The following BLK variants were observed in gnomAD, a reference collection of about 807,000 sequenced individuals.
BLK encodes the protein BLK proto-oncogene, Src family tyrosine kinase.
In BLK, 64 loss-of-function variants were observed where a neutral mutation model predicts 61.8. The observed-to-expected ratio is 1.03, with a 90% CI of 0.85 to 1.27. BLK has a LOEUF of 1.27. Among genes scored for constraint, BLK ranks in the 50% most tolerant of loss-of-function variants. The pLI, the probability that BLK is intolerant of heterozygous loss-of-function variation, is 0.00. For missense variants in BLK, 853 were observed against 660.5 expected, an observed-to-expected ratio of 1.29 and a Z score of -3.19; for synonymous variants, 351 against 272.0, an observed-to-expected ratio of 1.29 and a Z score of -2.86.
intron 1 of BLK, among the ~76,000 whole-genome samples, chr8:11,529,782 G>C (rs190630408): frequency 6.6e-6 from 1 of 152,326 alleles, no homozygotes; most frequent in Non-Finnish European, 1.5e-5. Context: ...TTGGAGGTTA[G>C]AAGCAAGATG....
intron 7 of BLK, 118 bp downstream of exon 7, chr8:11,555,007 A>G: frequency 2.7e-6 from 4 of 1,463,396 alleles, no homozygotes; most frequent in Non-Finnish European, 2.8e-6. Flanking sequence ...AGATTATCCC[A>G]AAGTTAGGCC....
intron 6 of BLK, 140 bp from the exon 7 acceptor site, chr8:11,554,603 G>A (rs940970403): frequency 3.8e-6 from 4 of 1,045,588 alleles, no homozygotes; most frequent in East Asian, 2.5e-5. Context: ...TGCAGGGAAA[G>A]GAAACTTGTG....
At position 11,561,447 on chromosome 8, in the gene BLK, A is replaced by G; in HGVS notation, c.1175A>G (p.Gln392Arg). 5 of 1,613,840 alleles carry G rather than the reference A, an allele frequency of 3.1e-6. No homozygotes were observed. Among genetic ancestry groups the G allele is most frequent in the Non-Finnish European group, 3.4e-6 (4 of 1,179,920 alleles). The change falls in exon 11 of 13, where the codon CAA (glutamine) becomes CGA (arginine). Residue 392 changes from glutamine to arginine, a missense_variant. Coordinates refer to ENST00000259089, the MANE Select transcript of BLK (RefSeq NM_001715.3). Reference sequence around the variant, plus strand: ...ATCATCGACAGTGAATACACGGCCCAAGAGGGTAAGCACAGCCCCTAACCA... The same window carrying G: ...ATCATCGACAGTGAATACACGGCCCGAGAGGGTAAGCACAGCCCCTAACCA... ...ARIIDSEYTA[Q>R]EGAKFPIKWT...
At chr8:11,549,238 C>T in intron 5 of BLK, 116 bp downstream of exon 5, 1 of 898,202 alleles carries the variant, frequency 1.1e-6, no homozygotes, top group Non-Finnish European at 1.8e-6. Context: ...CAGGCACTAG[C>T]AAAGAGGGGA....
chr8:11,542,615 A>G (rs576618728), intron 1 of BLK, among the ~76,000 whole-genome samples: 2 of 152,318 alleles, frequency 1.3e-5, no homozygotes, highest in Admixed American at 6.5e-5. Context: ...TCTTTACCAA[A>G]GAAAAAAACC....
chr8:11,562,623 T>C (rs1479550500), intron 11 of BLK, among the ~76,000 whole-genome samples: 3 of 152,204 alleles, frequency 2.0e-5, no homozygotes, highest in African/African-American at 7.2e-5. Flanking sequence ...GCCCAGGCCA[T>C]GTCTTTTAAA....
At chr8:11,542,226 C>A (rs916264039) in intron 1 of BLK, among the ~76,000 whole-genome samples, 5 of 152,230 alleles carry the variant, frequency 3.3e-5, no homozygotes, top group Non-Finnish European at 5.9e-5. Flanking sequence ...ACTAGTTATA[C>A]TGCAAAGCAT....
At chr8:11,513,906 C>G (rs1450090572) in intron 1 of BLK, among the ~76,000 whole-genome samples, 18 of 152,306 alleles carry the variant, frequency 1.2e-4, no homozygotes. Context: ...TTCAGAGTCT[C>G]CCATCACTCG....
At chr8:11,544,479 G>C (rs2245126) in intron 2 of BLK, among the ~76,000 whole-genome samples, 149,624 of 152,298 alleles carry the variant, frequency 0.98, 73,523 homozygotes, top group East Asian at 1. Context: ...TTACCTATCT[G>C]TGTCCCAGTT....
chr8:11,561,567 C>A (rs112637820), intron 11 of BLK, 115 bp downstream of exon 11: 1 of 1,340,410 alleles, frequency 7.5e-7, no homozygotes, highest in South Asian at 1.3e-5. Context: ...GAGGGCTATA[C>A]GGTTTCTACA....
At chr8:11,559,063 C>T (rs1439077039) in intron 10 of BLK, 2 of 451,970 alleles carry the variant, frequency 4.4e-6, no homozygotes, top group African/African-American at 2.0e-5. Flanking sequence ...GCTGCTGCTT[C>T]CTTTCCCCTT....
rs1204023487 is a variant in BLK, at chr8:11,494,536, G to A, written c.-57G>A. 1 of 152,316 alleles carries A rather than the reference G, an allele frequency of 6.6e-6. No homozygotes were observed. The highest frequency in any genetic ancestry group is 2.4e-5 in the African/African-American group (1 of 41,472). 9.4% of individuals were successfully genotyped at this position (152,316 alleles called of 1,614,324 possible). Reference sequence around the variant, plus strand: ...GTTGTCGCTAGGAGCCTGCTCCACTGTAAGGGTGTCAGGATCTGAAGAGCT... The same window carrying A: ...GTTGTCGCTAGGAGCCTGCTCCACTATAAGGGTGTCAGGATCTGAAGAGCT... On this transcript the variant is annotated 5_prime_UTR_variant, in exon 1 of 13. Transcript: ENST00000259089.
At chr8:11,504,475 G>A (rs1255645906) in intron 1 of BLK, among the ~76,000 whole-genome samples, 1 of 152,130 alleles carries the variant, frequency 6.6e-6, no homozygotes, top group Admixed American at 6.5e-5. Context: ...GCCAAGGAAA[G>A]GGCCACAGAA....
intron 1 of BLK, among the ~76,000 whole-genome samples, chr8:11,531,621 A>G (rs535743528): frequency 9.2e-5 from 14 of 152,272 alleles, no homozygotes; most frequent in African/African-American, 2.9e-4. Flanking sequence ...TATAGCTTCT[A>G]TCAAATTTGG....
At chr8:11,520,720 A>G (rs1338337362) in intron 1 of BLK, among the ~76,000 whole-genome samples, 1 of 152,136 alleles carries the variant, frequency 6.6e-6, no homozygotes, top group African/African-American at 2.4e-5. Flanking sequence ...TAATACAACA[A>G]GAAAAGGTAA....
intron 1 of BLK, among the ~76,000 whole-genome samples, chr8:11,496,918 C>G (rs867993583): frequency 3.9e-5 from 6 of 152,154 alleles, no homozygotes; most frequent in African/African-American, 1.2e-4. Context: ...GGATTCTGAC[C>G]TTGTGAGCCC....
intron 1 of BLK, among the ~76,000 whole-genome samples, chr8:11,534,891 C>G (rs1585373421): frequency 6.6e-6 from 1 of 152,180 alleles, no homozygotes; most frequent in Non-Finnish European, 1.5e-5. Flanking sequence ...CACAAGGAGG[C>G]CAGATGCAGC....
chr8:11,533,075 C>T (rs542971469), intron 1 of BLK, among the ~76,000 whole-genome samples: 10 of 144,408 alleles, frequency 6.9e-5, no homozygotes, highest in African/African-American at 2.1e-4. Flanking sequence ...GTGTACTAGG[C>T]ACTGTGCCAG....
At chr8:11,545,167 C>T (rs1310190981) in intron 2 of BLK, among the ~76,000 whole-genome samples, 2 of 152,184 alleles carry the variant, frequency 1.3e-5, no homozygotes, top group Non-Finnish European at 2.9e-5. Flanking sequence ...CGTTGATGCA[C>T]GTGGCTGTTG....
Sources: allele counts gnomAD v4.1 joint callset (sites outside exome capture counted in the v4.1 genomes callset), GRCh38; gene constraint gnomAD v4.1.1; transcripts MANE v1.5; gene names NCBI Gene and HGNC (gene_info 2026-07-23, HGNC 2026-07-21).